Variants in NEO1 observed in about 807,000 individuals in gnomAD.
NEO1 encodes the protein neogenin.
A neutral mutation model predicts 159.7 loss-of-function variants in NEO1; 63 were observed. That is an observed-to-expected ratio of 0.39 (90% CI 0.32 to 0.49). NEO1 has a LOEUF of 0.49. NEO1 is among the 20% of genes least tolerant of loss of function. NEO1 has a pLI of 0.85. For missense variants in NEO1, 1,615 were observed against 1,831.0 expected (o/e 0.88, Z 2.15); for synonymous variants, 633 against 662.0 (o/e 0.96, Z 0.67).
At chr15:73,132,163 G>A (rs2031215894) in intron 4 of NEO1, among the ~76,000 whole-genome samples, 1 of 152,174 alleles carries the variant, frequency 6.6e-6, no homozygotes, top group Non-Finnish European at 1.5e-5. Context: ...GACACATATA[G>A]ACAAACCAAT....
chr15:73,105,700 G>C (rs1386196315), intron 1 of NEO1, among the ~76,000 whole-genome samples: 4 of 151,950 alleles, frequency 2.6e-5, no homozygotes, highest in Non-Finnish European at 5.9e-5. Flanking sequence ...AAGAGTCCAG[G>C]GTAGTTGTCT....
chr15:73,215,212 A>G (rs1487524707), intron 7 of NEO1, among the ~76,000 whole-genome samples: 1 of 152,204 alleles, frequency 6.6e-6, no homozygotes, highest in Non-Finnish European at 1.5e-5. Flanking sequence ...AAACTATCAT[A>G]TCATCAGCAA....
At chr15:73,174,714 C>T (rs2035181793) in intron 5 of NEO1, among the ~76,000 whole-genome samples, 2 of 152,142 alleles carry the variant, frequency 1.3e-5, no homozygotes, top group African/African-American at 4.8e-5. Flanking sequence ...TAATAACTCT[C>T]ATTATACCAA....
intron 7 of NEO1, among the ~76,000 whole-genome samples, chr15:73,209,841 A>G (rs936506524): frequency 6.6e-6 from 1 of 151,764 alleles, no homozygotes; most frequent in African/African-American, 2.4e-5. Context: ...AAAAACAAAC[A>G]AAAAAAAGCA....
At chr15:73,063,136 A>G (rs2068055719) in intron 1 of NEO1, among the ~76,000 whole-genome samples, 1 of 152,186 alleles carries the variant, frequency 6.6e-6, no homozygotes, top group African/African-American at 2.4e-5. Flanking sequence ...TTATTGAGAA[A>G]CACCTGTGTG....
chr15:73,154,715 C>T (rs543856392), intron 5 of NEO1, among the ~76,000 whole-genome samples: 114 of 152,296 alleles, frequency 7.5e-4, no homozygotes, highest in African/African-American at 2.5e-3. Context: ...TTTTTCCACC[C>T]TTTTACTTTC....
chr15:73,300,738 A>G (rs1171866504), intron 27 of NEO1, among the ~76,000 whole-genome samples: 1 of 152,262 alleles, frequency 6.6e-6, no homozygotes, highest in Non-Finnish European at 1.5e-5. Flanking sequence ...CTCAAAAAAA[A>G]AGACAGCTGT....
chr15:73,120,151 T>C (rs977364286), intron 2 of NEO1, among the ~76,000 whole-genome samples: 9 of 151,666 alleles, frequency 5.9e-5, no homozygotes, highest in African/African-American at 2.2e-4. Flanking sequence ...AAAAATTAAT[T>C]AATTAATTTA....
At chr15:73,282,564 A>T (rs1161945132) in intron 22 of NEO1, among the ~76,000 whole-genome samples, 1 of 152,240 alleles carries the variant, frequency 6.6e-6, no homozygotes, top group African/African-American at 2.4e-5. Context: ...GAACATTTTT[A>T]AATGGTTTTG....
Position 73,065,440 on chromosome 15 carries a change from T to C in NEO1, c.130+12635T>C, listed in dbSNP as rs540418059. Among the ~76,000 whole-genome samples the C allele has an allele frequency of 6.7e-4, 102 of 152,334 alleles. No homozygotes were observed. The Middle Eastern group carries it at 0.01, about 15-fold the overall frequency. ...TGTCTGAAAACATTTGTATTTCACC[T>C]TCATTTTTAGATTTTTGTGGAGAGG... On this transcript the variant is annotated intron_variant, in intron 1 of 28. Transcript: ENST00000261908.
chr15:73,186,274 A>G (rs1222780322), intron 7 of NEO1, among the ~76,000 whole-genome samples: 2 of 152,006 alleles, frequency 1.3e-5, no homozygotes, highest in Non-Finnish European at 1.5e-5. Context: ...TTCCAATTTT[A>G]GTATTAGTGT....
rs1596109764 is a variant in NEO1 at position 73,136,915 on chromosome 15, C to T, written c.1015+888C>T. On this transcript the variant is annotated intron_variant, in intron 5 of 28. Transcript: ENST00000261908. ...AAGACTGCTCCCAGTGCTGTTTCTC[C>T]CTAAGAGTTAGGAGTGCTGTTTCAC... Among the ~76,000 whole-genome samples, 4 of 152,168 alleles carry T rather than the reference C, an allele frequency of 2.6e-5. No homozygotes were observed. The South Asian group carries it at 6.2e-4, about 24-fold the overall frequency.
At chr15:73,133,646 C>A (rs1342499605) in intron 4 of NEO1, among the ~76,000 whole-genome samples, 1 of 152,144 alleles carries the variant, frequency 6.6e-6, no homozygotes, top group African/African-American at 2.4e-5. Flanking sequence ...TCAGGGATAC[C>A]TTATGCCCAG....
At chr15:73,192,999 C>A (rs144865139) in intron 7 of NEO1, among the ~76,000 whole-genome samples, 882 of 151,910 alleles carry the variant, frequency 5.8e-3, no homozygotes, top group Non-Finnish European at 0.011. Context: ...TAGTTATAAA[C>A]TTTTTGAGTT....
chr15:73,249,824 C>G, intron 11 of NEO1, 103 bp downstream of exon 11: 1 of 1,294,910 alleles, frequency 7.7e-7, no homozygotes, highest in East Asian at 2.4e-5. Flanking sequence ...GTTCAAATCC[C>G]AATTTTACCT....
intron 1 of NEO1, among the ~76,000 whole-genome samples, chr15:73,096,691 T>C (rs537943579): frequency 3.8e-4 from 58 of 152,310 alleles, no homozygotes; most frequent in African/African-American, 1.3e-3. Flanking sequence ...GGTCATTCTT[T>C]TCATCAAGCA....
chr15:73,118,610 G>A (rs778522448), intron 2 of NEO1, among the ~76,000 whole-genome samples: 6 of 152,010 alleles, frequency 3.9e-5, no homozygotes, highest in Non-Finnish European at 7.4e-5. Flanking sequence ...TGCTAAGTTT[G>A]TCCATTCTTC....
chr15:73,235,246 C>T (rs962683610), intron 7 of NEO1, among the ~76,000 whole-genome samples: 1 of 152,108 alleles, frequency 6.6e-6, no homozygotes, highest in Non-Finnish European at 1.5e-5. Context: ...TCATGTTTTC[C>T]TCTCTACATC....
At chr15:73,099,258 A>G (rs756684691) in intron 1 of NEO1, among the ~76,000 whole-genome samples, 1 of 152,134 alleles carries the variant, frequency 6.6e-6, no homozygotes, top group Non-Finnish European at 1.5e-5. Flanking sequence ...CAAGTGTGTT[A>G]TCAAACTTTT....
Sources: gnomAD v4.1 joint callset for allele counts (sites outside exome capture counted in the v4.1 genomes callset) on GRCh38, gnomAD v4.1.1 for gene constraint, MANE v1.5 for transcripts, NCBI Gene and HGNC (gene_info 2026-07-23, HGNC 2026-07-21) for gene names.